Variants in MYOF observed in about 807,000 individuals in gnomAD.
MYOF encodes fer-1-like 3, myoferlin.
A neutral mutation model predicts 284.2 loss-of-function variants in MYOF; 244 were observed. The ratio of observed to expected loss-of-function variants is 0.86; its 90% CI spans 0.77 to 0.95. The LOEUF is 0.95. Among genes scored for constraint, MYOF ranks in the 40% least tolerant of loss-of-function variants. The probability of loss-of-function intolerance (pLI) is 0.00; values close to 1 mark genes in which losing one functional copy is unlikely to be tolerated. For missense variants in MYOF, 2,496 were observed against 2,560.6 expected (o/e 0.97, Z 0.54); for synonymous variants, 904 against 919.7 (o/e 0.98, Z 0.31).
intron 4 of MYOF, among the ~76,000 whole-genome samples, chr10:93,429,491 A>T (rs78156290): frequency 0.13 from 19,888 of 152,232 alleles, 1,358 homozygotes; most frequent in Middle Eastern, 0.19. Context: ...TTAAAAAAAG[A>T]AGGCAGAAAA....
At chr10:93,311,805 CCAAGACTGTTTTTGGAAT>C (rs1290328783) in intron 51 of MYOF, among the ~76,000 whole-genome samples, 1 of 152,152 alleles carries the variant, frequency 6.6e-6, no homozygotes, top group Non-Finnish European at 1.5e-5. Flanking sequence ...CTCCATCTCT[CCAAGACTGTTTTTGGAAT>C]CGCTAAAGTG....
intron 32 of MYOF, among the ~76,000 whole-genome samples, chr10:93,352,284 G>C (rs919253766): frequency 6.6e-6 from 1 of 152,234 alleles, no homozygotes; most frequent in Non-Finnish European, 1.5e-5. Flanking sequence ...ACGGTGTTGA[G>C]AGGATGAAAT....
At chr10:93,425,160 C>T (rs140639263) in intron 5 of MYOF, among the ~76,000 whole-genome samples, 2 of 152,014 alleles carry the variant, frequency 1.3e-5, no homozygotes, top group African/African-American at 4.8e-5. Flanking sequence ...AGGCTGGTCT[C>T]GAACTCCTGA....
chr10:93,434,811 AT>A (rs1554863256), intron 3 of MYOF, among the ~76,000 whole-genome samples: 1 of 151,834 alleles, frequency 6.6e-6, no homozygotes. Context: ...TTACAGGAGT[AT>A]TTTTTTTCTC....
intron 46 of MYOF, among the ~76,000 whole-genome samples, chr10:93,324,811 G>A (rs1452485952): frequency 1.3e-5 from 2 of 151,780 alleles, no homozygotes; most frequent in Admixed American, 6.6e-5. Context: ...ACAGAGTCTG[G>A]CTCTGTCACC....
At chr10:93,392,270 A>C (rs957312138) in intron 17 of MYOF, among the ~76,000 whole-genome samples, 28 of 152,132 alleles carry the variant, frequency 1.8e-4, no homozygotes, top group African/African-American at 6.8e-4. Flanking sequence ...TTCTTACCAC[A>C]ACCCTGGGAG....
intron 50 of MYOF, among the ~76,000 whole-genome samples, chr10:93,315,145 C>T (rs1842562706): frequency 6.6e-6 from 1 of 152,170 alleles, no homozygotes; most frequent in Non-Finnish European, 1.5e-5. Context: ...TATTTGCTGA[C>T]CTCTTAACTA....
chr10:93,338,137 G>T (rs1264237245), intron 39 of MYOF, among the ~76,000 whole-genome samples: 1 of 151,082 alleles, frequency 6.6e-6, no homozygotes, highest in Non-Finnish European at 1.5e-5. Flanking sequence ...AATGTGTTTG[G>T]CTTTAATGCC....
At position 93,482,303 on chromosome 10, in the gene MYOF, G is replaced by T; in HGVS notation, c.-109C>A. The T allele has an allele frequency of 1.0e-6, 1 of 972,112 alleles. No individual in the cohort carries two copies. Among genetic ancestry groups the T allele is most frequent in the Non-Finnish European group, 1.6e-6 (1 of 634,366 alleles). The allele number at this position is 972,112 out of a possible 1,614,324, so 60.2% of individuals were successfully genotyped here. A position where few individuals can be genotyped will look rare whatever the true frequency, so the allele number is the denominator to read the frequency against. On this transcript the variant is annotated 5_prime_UTR_variant, in exon 1 of 54. Coordinates refer to ENST00000359263, the MANE Select transcript of MYOF (RefSeq NM_013451.4). ...AGAAGTTCTCTCCCAGTGAAGGGAG[G>T]ATTTCTCCCAGGGCAAGGAAGGGGA...
chr10:93,456,950 T>A lies in MYOF; in HGVS notation c.89-13A>T. 1 of 1,590,182 alleles carries A rather than the reference T, an allele frequency of 6.3e-7. No homozygotes were observed. The highest frequency in any genetic ancestry group is 1.7e-5 in the Admixed American group (1 of 58,918). Reference sequence around the variant, plus strand: ...TTCTTTTTCTCATCTGCAAAAGAGATAAAGGAAGAGACAGCAATCATTTAT... The same window carrying A: ...TTCTTTTTCTCATCTGCAAAAGAGAAAAAGGAAGAGACAGCAATCATTTAT... On this transcript the variant is annotated splice_polypyrimidine_tract_variant and intron_variant, in intron 1 of 53. Transcript: ENST00000359263.
chr10:93,351,123 G>A (rs1844484095), intron 35 of MYOF, 74 bp downstream of exon 35: 4 of 1,450,062 alleles, frequency 2.8e-6, no homozygotes, highest in Admixed American at 1.8e-5. Context: ...AGGATTCTAT[G>A]TTCTATACAA....
intron 24 of MYOF, among the ~76,000 whole-genome samples, chr10:93,370,097 G>T (rs977887200): frequency 6.6e-6 from 1 of 152,084 alleles, no homozygotes; most frequent in Non-Finnish European, 1.5e-5. Context: ...CACTGGTGGT[G>T]CAAAAGCAAC....
chr10:93,400,853 G>GTTTTTTTTTTTTT (rs551007757), intron 12 of MYOF, among the ~76,000 whole-genome samples: 1 of 113,958 alleles, frequency 8.8e-6, no homozygotes, highest in African/African-American at 3.5e-5. Context: ...TGCTCAGCAT[G>GTTTTTTTTTTTTT]TTTTTTTTTT....
At position 93,353,694 on chromosome 10, in the gene MYOF, C is replaced by T. The variant is rs556197552; in HGVS notation, c.3481+117G>A. Reference sequence around the variant, plus strand: ...GTTTGCTTCAAGCATGCAAAAATAACCTCAACATGTAAAGGGTTTTTGTTG... The same window carrying T: ...GTTTGCTTCAAGCATGCAAAAATAATCTCAACATGTAAAGGGTTTTTGTTG... On this transcript the variant is annotated intron_variant, in intron 32 of 53. Coordinates refer to ENST00000359263, the MANE Select transcript of MYOF (RefSeq NM_013451.4). The T allele has an allele frequency of 4.9e-5, 39 of 799,690 alleles. No homozygotes were observed. The African/African-American group carries it at 6.1e-4, about 12-fold the overall frequency. The allele number at this position is 799,690 out of a possible 1,614,324, so 49.5% of individuals were successfully genotyped here.
chr10:93,351,129 T>A (rs549689147), intron 35 of MYOF, 68 bp downstream of exon 35: 36 of 1,482,072 alleles, frequency 2.4e-5, no homozygotes, highest in Non-Finnish European at 3.2e-5. Context: ...CTATGTTCTA[T>A]ACAAAAGATT....
intron 3 of MYOF, among the ~76,000 whole-genome samples, chr10:93,434,141 G>C (rs1848998920): frequency 6.6e-6 from 1 of 151,950 alleles, no homozygotes; most frequent in Non-Finnish European, 1.5e-5. Flanking sequence ...AGCAGAATTT[G>C]TAGTTGGGGC....
intron 3 of MYOF, among the ~76,000 whole-genome samples, chr10:93,444,278 C>G (rs1448167822): frequency 1.3e-5 from 2 of 152,170 alleles, no homozygotes; most frequent in African/African-American, 2.4e-5. Flanking sequence ...TTATTTAGAG[C>G]CTACTATATG....
At chr10:93,365,689 T>C (rs891708626) in intron 26 of MYOF, among the ~76,000 whole-genome samples, 1 of 152,110 alleles carries the variant, frequency 6.6e-6, no homozygotes, top group African/African-American at 2.4e-5. Flanking sequence ...TCTCTGCGAG[T>C]CTCTTGTGTT....
chr10:93,407,172 T>A (rs1477886425), intron 7 of MYOF, among the ~76,000 whole-genome samples: 1 of 152,034 alleles, frequency 6.6e-6, no homozygotes, highest in Non-Finnish European at 1.5e-5. Flanking sequence ...ATGCCTGTAA[T>A]CCCAGCACTT....
Sources: gnomAD v4.1 joint callset for allele counts (sites outside exome capture counted in the v4.1 genomes callset) on GRCh38, gnomAD v4.1.1 for gene constraint, MANE v1.5 for transcripts, NCBI Gene and HGNC (gene_info 2026-07-23, HGNC 2026-07-21) for gene names.